Variants in ROBO2 observed in about 807,000 individuals in gnomAD.
ROBO2 encodes roundabout homolog 2.
A neutral mutation model predicts 160.8 loss-of-function variants in ROBO2; 53 were observed. That is an observed-to-expected ratio of 0.33 (90% CI 0.26 to 0.41). The LOEUF (loss-of-function observed/expected upper bound fraction) is 0.41, where lower values mean the gene tolerates loss of function less well. ROBO2 is among the 10% of genes least tolerant of loss of function. The pLI, the probability that ROBO2 is intolerant of heterozygous loss-of-function variation, is 1.00. For synonymous variants in ROBO2, 664 were observed against 611.7 expected, an observed-to-expected ratio of 1.09 and a Z score of -1.26; for missense variants, 1,577 against 1,722.4, an observed-to-expected ratio of 0.92 and a Z score of 1.49.
At chr3:77,097,940 C>T in intron 1 of ROBO2, 74 bp from the exon 2 acceptor site, 1 of 1,301,014 alleles carries the variant, frequency 7.7e-7, no homozygotes, top group Non-Finnish European at 1.0e-6. Flanking sequence ...ATTTCCCCAT[C>T]AGGAACCCAA....
intron 2 of ROBO2, among the ~76,000 whole-genome samples, chr3:76,988,403 C>T (rs2060498450): frequency 6.6e-6 from 1 of 152,130 alleles, no homozygotes; most frequent in South Asian, 2.1e-4. Context: ...AAAGCACTTT[C>T]CAATGAGCTC....
intron 2 of ROBO2, among the ~76,000 whole-genome samples, chr3:76,021,449 T>C (rs1008176037): frequency 6.6e-6 from 1 of 151,790 alleles, no homozygotes; most frequent in African/African-American, 2.4e-5. Context: ...ATGCTTGATA[T>C]AAGAGACATT....
chr3:76,668,010 A>T (rs1002420871), intron 2 of ROBO2, among the ~76,000 whole-genome samples: 1 of 152,152 alleles, frequency 6.6e-6, no homozygotes, highest in Admixed American at 6.6e-5. Context: ...TTTAAATTTT[A>T]AAAAATGAGT....
At chr3:77,581,173 C>T (rs1163516626) in intron 16 of ROBO2, among the ~76,000 whole-genome samples, 1 of 152,070 alleles carries the variant, frequency 6.6e-6, no homozygotes, top group Non-Finnish European at 1.5e-5. Context: ...ATTGGGTTGT[C>T]TCTTGTTACT....
chr3:76,674,101 A>C (rs2092342649), intron 2 of ROBO2, among the ~76,000 whole-genome samples: 1 of 152,066 alleles, frequency 6.6e-6, no homozygotes, highest in South Asian at 2.1e-4. Context: ...TTTCAATCAG[A>C]GATAACTCTT....
At chr3:76,144,933 T>C (rs1179208860) in intron 2 of ROBO2, among the ~76,000 whole-genome samples, 1 of 152,032 alleles carries the variant, frequency 6.6e-6, no homozygotes, top group Non-Finnish European at 1.5e-5. Flanking sequence ...TTTTAGTGCA[T>C]TTTGACTTGG....
chr3:76,432,872 G>A (rs1406852249), intron 2 of ROBO2, among the ~76,000 whole-genome samples: 2 of 151,738 alleles, frequency 1.3e-5, no homozygotes, highest in Non-Finnish European at 2.9e-5. Context: ...AAGAAAGGAG[G>A]AGAGAGGGAG....
intron 2 of ROBO2, among the ~76,000 whole-genome samples, chr3:76,812,431 CAG>C (rs1340434856): frequency 1.4e-5 from 2 of 147,578 alleles, no homozygotes; most frequent in South Asian, 4.4e-4. Context: ...CCTTAGTTAT[CAG>C]AGAGATTTGT....
At chr3:77,378,727 T>C (rs1380854688) in intron 2 of ROBO2, among the ~76,000 whole-genome samples, 1 of 152,188 alleles carries the variant, frequency 6.6e-6, no homozygotes, top group Non-Finnish European at 1.5e-5. Context: ...TTTTCTCTTG[T>C]GCCGTCTCTG....
intron 2 of ROBO2, among the ~76,000 whole-genome samples, chr3:77,182,192 C>G (rs1410305073): frequency 1.3e-5 from 2 of 152,046 alleles, no homozygotes; most frequent in Non-Finnish European, 2.9e-5. Flanking sequence ...CAAAAAATTT[C>G]CAACAGTTGG....
At chr3:77,400,501 T>G (rs1275728111) in intron 2 of ROBO2, among the ~76,000 whole-genome samples, 1 of 152,176 alleles carries the variant, frequency 6.6e-6, no homozygotes, top group African/African-American at 2.4e-5. Flanking sequence ...GTACGTTCAC[T>G]TTAGACATTA....
At chr3:77,094,984 G>A (rs978037598) in intron 1 of ROBO2, among the ~76,000 whole-genome samples, 3 of 151,936 alleles carry the variant, frequency 2.0e-5, no homozygotes, top group Non-Finnish European at 4.4e-5. Flanking sequence ...GATTCTGTGG[G>A]TAGTATTCTT....
intron 2 of ROBO2, among the ~76,000 whole-genome samples, chr3:76,551,056 T>C (rs945478002): frequency 6.6e-6 from 1 of 151,972 alleles, no homozygotes; most frequent in African/African-American, 2.4e-5. Context: ...AGCTGCCAGC[T>C]CCAGGTGGAG....
chr3:76,702,256 G>C (rs2093061147), intron 2 of ROBO2, among the ~76,000 whole-genome samples: 2 of 152,030 alleles, frequency 1.3e-5, no homozygotes, highest in African/African-American at 4.8e-5. Context: ...AGCCAGTTAT[G>C]TTTGGAGGAT....
chr3:77,479,423 CCT>C (rs1433644232), intron 3 of ROBO2, among the ~76,000 whole-genome samples: 1 of 152,040 alleles, frequency 6.6e-6, no homozygotes, highest in African/African-American at 2.4e-5. Flanking sequence ...AGAGAGCTTC[CCT>C]CTCTGTTCTT....
chr3:76,747,785 C>A (rs895752273), intron 2 of ROBO2, among the ~76,000 whole-genome samples: 2 of 151,700 alleles, frequency 1.3e-5, no homozygotes, highest in Admixed American at 6.6e-5. Context: ...AAAATCTTAT[C>A]TGTATGTATT....
At chr3:76,975,400 GA>G (rs2059766688) in intron 2 of ROBO2, among the ~76,000 whole-genome samples, 1 of 152,158 alleles carries the variant, frequency 6.6e-6, no homozygotes, top group Admixed American at 6.5e-5. Flanking sequence ...AGCTACTTGG[GA>G]GGCTGAGGCA....
chr3:77,566,049 TG>T (rs1480428871), intron 12 of ROBO2, among the ~76,000 whole-genome samples: 1 of 152,124 alleles, frequency 6.6e-6, no homozygotes, highest in East Asian at 1.9e-4. Flanking sequence ...TAAAAGACTT[TG>T]AACAAGATAT....
At chr3:76,647,158 C>A (rs1467661040) in intron 2 of ROBO2, among the ~76,000 whole-genome samples, 6 of 152,072 alleles carry the variant, frequency 3.9e-5, no homozygotes, top group Non-Finnish European at 1.5e-5. Flanking sequence ...GGGGTGGGAC[C>A]CAGATCTCCG....
Sources: gnomAD v4.1 joint callset for allele counts (sites outside exome capture counted in the v4.1 genomes callset) on GRCh38, gnomAD v4.1.1 for gene constraint, MANE v1.5 for transcripts, NCBI Gene and HGNC (gene_info 2026-07-23, HGNC 2026-07-21) for gene names.